Variants in COL4A2 observed in about 807,000 individuals in gnomAD.
COL4A2 encodes the protein collagen alpha-2(IV) chain.
COL4A2 carries 99 observed loss-of-function variants against 200.2 expected under a neutral mutation model. The ratio of observed to expected loss-of-function variants is 0.49; its 90% CI spans 0.42 to 0.58. COL4A2 has a LOEUF of 0.58. COL4A2 is among the 20% of genes least tolerant of loss of function. The pLI is 0.00. For synonymous variants in COL4A2, 897 were observed against 900.6 expected (o/e 1.00, Z 0.07); for missense variants, 1,950 against 2,314.1 (o/e 0.84, Z 3.23).
At chr13:110,331,175 A>T (rs367977061) in intron 3 of COL4A2, among the ~76,000 whole-genome samples, 3 of 152,228 alleles carry the variant, frequency 2.0e-5, no homozygotes, top group Admixed American at 6.5e-5. Flanking sequence ...AAATATGCCA[A>T]TAAAATCGTG....
At chr13:110,477,198 GAA>G (rs1346885644) in intron 29 of COL4A2, among the ~76,000 whole-genome samples, 17 of 152,178 alleles carry the variant, frequency 1.1e-4, no homozygotes, top group East Asian at 3.9e-4. Context: ...AAAAAAGAAA[GAA>G]AGAAAGAAAA....
In COL4A2 at chr13:110,503,982, C is replaced by A. The variant is rs1450481308; in HGVS notation, c.4274C>A (p.Pro1425His). ...GGGGAGATGGGGCCCCAGGGCCCCC[C>A]CGGAGAACCAGGTAGAGTGCTGAGC... is the stretch of plus-strand genomic sequence containing the variant. ...APGEMGPQGP[P>H]GEPGFRGAPG... Residue 1425 changes from proline (P) to histidine (H), a missense_variant, in exon 44 of 48, where the codon CCC becomes CAC. This residue lies in a region of COL4A2 where 1,385 missense variants were observed against 1,720.5 expected (regional missense o/e 0.80). Coordinates refer to ENST00000360467, the MANE Select transcript of COL4A2 (RefSeq NM_001846.4). 6.4e-7 allele frequency: 1 copy of A among 1,557,986 alleles called. No individual in the cohort carries two copies. Among genetic ancestry groups the A allele is most frequent in the African/African-American group, 1.4e-5 (1 of 72,350 alleles).
intron 17 of COL4A2, among the ~76,000 whole-genome samples, chr13:110,446,535 G>A (rs1432031952): frequency 1.3e-5 from 2 of 152,138 alleles, no homozygotes; most frequent in Non-Finnish European, 2.9e-5. Flanking sequence ...CAGTCTCCTG[G>A]CATTCGACAA....
intron 10 of COL4A2, among the ~76,000 whole-genome samples, 160 bp from the exon 11 acceptor site, chr13:110,432,165 A>G (rs1458158055): frequency 6.6e-6 from 1 of 152,196 alleles, no homozygotes; most frequent in African/African-American, 2.4e-5. Flanking sequence ...CCTCTCCCCC[A>G]GCATGTCATC....
At chr13:110,458,143 G>A (rs752218481) in intron 21 of COL4A2, 4 of 470,116 alleles carry the variant, frequency 8.5e-6, no homozygotes, top group East Asian at 7.0e-5. Flanking sequence ...TCAGCACCCC[G>A]CTGTGGATGG....
At chr13:110,429,475 A>G (rs909656528) in intron 7 of COL4A2, 1 of 174,964 alleles carries the variant, frequency 5.7e-6, no homozygotes, top group Non-Finnish European at 1.2e-5. Flanking sequence ...CACAATTCCA[A>G]TTTTAAAGAA....
chr13:110,378,472 G>A (rs1396612864), intron 4 of COL4A2, among the ~76,000 whole-genome samples: 1 of 152,182 alleles, frequency 6.6e-6, no homozygotes, highest in African/African-American at 2.4e-5. Flanking sequence ...ACAGAACCAG[G>A]CCCTTTCCTC....
At chr13:110,446,014 T>A in intron 17 of COL4A2, 132 bp downstream of exon 17, 1 of 920,072 alleles carries the variant, frequency 1.1e-6, no homozygotes, top group Non-Finnish European at 1.7e-6. Flanking sequence ...ATACACGGCC[T>A]CTGACACTGG....
At chr13:110,496,777 G>A (rs77367126) in intron 40 of COL4A2, among the ~76,000 whole-genome samples, 1 of 149,858 alleles carries the variant, frequency 6.7e-6, no homozygotes, top group African/African-American at 2.5e-5. Flanking sequence ...TGAGGATCTA[G>A]GGTCAGTCCA....
chr13:110,336,128 C>T (rs1252928438), intron 3 of COL4A2, among the ~76,000 whole-genome samples: 1 of 152,166 alleles, frequency 6.6e-6, no homozygotes, highest in South Asian at 2.1e-4. Flanking sequence ...TTTTTAGTCT[C>T]GGCTATTTTG....
intron 14 of COL4A2, 97 bp from the exon 15 acceptor site, chr13:110,438,521 G>C (rs767050940): frequency 6.7e-7 from 1 of 1,495,768 alleles, no homozygotes; most frequent in Non-Finnish European, 9.3e-7. Flanking sequence ...TCGGGGCTGA[G>C]AACACAGAGT....
chr13:110,453,269 A>T (rs1440946133), intron 20 of COL4A2, among the ~76,000 whole-genome samples: 1 of 151,982 alleles, frequency 6.6e-6, no homozygotes, highest in Non-Finnish European at 1.5e-5. Flanking sequence ...GGGAAAGCCG[A>T]GGGGGGCCGA....
At chr13:110,399,027 G>C (rs1198071492) in intron 4 of COL4A2, among the ~76,000 whole-genome samples, 2 of 152,150 alleles carry the variant, frequency 1.3e-5, no homozygotes, top group African/African-American at 4.8e-5. Context: ...GGAAAACTGG[G>C]AGAATGTGTA....
chr13:110,334,261 G>C (rs1876066236), intron 3 of COL4A2, among the ~76,000 whole-genome samples: 2 of 152,238 alleles, frequency 1.3e-5, no homozygotes, highest in South Asian at 4.1e-4. Flanking sequence ...CCCAGCTTTG[G>C]AACTCTGCTT....
At chr13:110,505,154 T>TC (rs1424642164) in intron 45 of COL4A2, among the ~76,000 whole-genome samples, 2 of 151,370 alleles carry the variant, frequency 1.3e-5, no homozygotes, top group African/African-American at 4.8e-5. Flanking sequence ...ATCGAGACCA[T>TC]CCTGGCTAAC....
chr13:110,383,933 C>T (rs568561956), intron 4 of COL4A2, among the ~76,000 whole-genome samples: 36 of 152,288 alleles, frequency 2.4e-4, no homozygotes, highest in African/African-American at 8.4e-4. Flanking sequence ...TTTCAAGCTG[C>T]AGCAACACTC....
intron 44 of COL4A2, 37 bp from the exon 45 acceptor site, chr13:110,504,111 C>T (rs1456950255): frequency 6.2e-7 from 1 of 1,603,622 alleles, no homozygotes; most frequent in East Asian, 2.2e-5. Flanking sequence ...CAGGCGTGGT[C>T]AGTTTCCAGC....
intron 19 of COL4A2, 57 bp downstream of exon 19, chr13:110,449,846 T>C: frequency 1.3e-6 from 2 of 1,499,470 alleles, no homozygotes; most frequent in East Asian, 4.9e-5. Context: ...ACTCAGGTCC[T>C]AGCACACACA....
At chr13:110,308,026 G>C (rs759535614) in intron 2 of COL4A2, 43 bp from the exon 3 acceptor site, 2 of 1,611,514 alleles carry the variant, frequency 1.2e-6, no homozygotes, top group African/African-American at 1.3e-5. Flanking sequence ...CTGACAAGCC[G>C]GGCCCGCACG....
Sources: gnomAD v4.1 joint callset for allele counts (sites outside exome capture counted in the v4.1 genomes callset) on GRCh38, gnomAD v4.1.1 for gene constraint, gnomAD v4.1.1 regional missense constraint, MANE v1.5 for transcripts, NCBI Gene and HGNC (gene_info 2026-07-23, HGNC 2026-07-21) for gene names.